NKAIN3: variants seen among roughly 807,000 people sequenced by gnomAD.
NKAIN3 encodes sodium/potassium transporting ATPase interacting 3, also known as sodium/potassium-transporting ATPase subunit beta-1-interacting protein 3.
In NKAIN3, 25 loss-of-function variants were observed where a neutral mutation model predicts 30.2. That is an observed-to-expected ratio of 0.83 (90% CI 0.60 to 1.16). The LOEUF is 1.16. Ranked by LOEUF, NKAIN3 falls within the 50% of genes most tolerant of loss-of-function variation. The pLI is 0.00. For missense variants in NKAIN3, 225 were observed against 254.1 expected (o/e 0.89, Z 0.78); for synonymous variants, 91 against 89.6 (o/e 1.02, Z -0.09).
chr8:62,564,579 G>A (rs1044654690), intron 1 of NKAIN3, among the ~76,000 whole-genome samples: 4 of 152,090 alleles, frequency 2.6e-5, no homozygotes, highest in East Asian at 1.9e-4. Context: ...TTCTACACTG[G>A]AGTTATACAA....
At chr8:62,253,093 T>G (rs1203399674) in intron 1 of NKAIN3, among the ~76,000 whole-genome samples, 1 of 152,214 alleles carries the variant, frequency 6.6e-6, no homozygotes, top group Non-Finnish European at 1.5e-5. Context: ...CGTCTCAGGA[T>G]GTTATTATTA....
chr8:62,785,156 A>G (rs1170252323), intron 4 of NKAIN3, among the ~76,000 whole-genome samples: 3 of 152,192 alleles, frequency 2.0e-5, no homozygotes, highest in Non-Finnish European at 4.4e-5. Flanking sequence ...AAAAATTTGT[A>G]CACAAATGTT....
rs899671418 is a variant in NKAIN3, at chr8:62,863,539, G to A, written c.472-54914G>A. 4.5e-6 allele frequency: 6 copies of A among 1,335,894 alleles called. No individual in the cohort carries two copies. The African/African-American group carries it at 8.6e-5, about 19-fold the overall frequency. The allele number at this position is 1,335,894 out of a possible 1,614,324, so 82.8% of individuals were successfully genotyped here. A position where few individuals can be genotyped will look rare whatever the true frequency, so the allele number is the denominator to read the frequency against. On this transcript the variant is annotated intron_variant, in intron 4 of 6. Coordinates refer to ENST00000623646, the MANE Select transcript of NKAIN3 (RefSeq NM_001304533.3). ...AGTTGAACTTGATGATCCAGTTGAG[G>A]AGATGGTGGCCAAGTACTCCCAAGA...
At chr8:62,276,531 A>C (rs1812969129) in intron 1 of NKAIN3, among the ~76,000 whole-genome samples, 1 of 152,184 alleles carries the variant, frequency 6.6e-6, no homozygotes, top group South Asian at 2.1e-4. Flanking sequence ...CAGTTACGAA[A>C]ATGAGAGATG....
At chr8:62,521,830 C>T (rs1362225096) in intron 1 of NKAIN3, among the ~76,000 whole-genome samples, 2 of 152,044 alleles carry the variant, frequency 1.3e-5, no homozygotes, top group Non-Finnish European at 2.9e-5. Flanking sequence ...ATCTTTTTTC[C>T]TGGATAAGAT....
At chr8:62,696,984 G>A (rs1004552999) in intron 3 of NKAIN3, among the ~76,000 whole-genome samples, 9 of 152,094 alleles carry the variant, frequency 5.9e-5, no homozygotes, top group Non-Finnish European at 1.3e-4. Flanking sequence ...ATATATAAAT[G>A]CAAAATGACA....
At chr8:62,600,462 G>T (rs1810955751) in intron 3 of NKAIN3, among the ~76,000 whole-genome samples, 2 of 151,984 alleles carry the variant, frequency 1.3e-5, no homozygotes, top group Admixed American at 6.6e-5. Context: ...CTCAGAGGTA[G>T]ACATTAGTAT....
intron 1 of NKAIN3, among the ~76,000 whole-genome samples, chr8:62,369,752 C>T (rs1459962690): frequency 1.3e-5 from 2 of 151,726 alleles, no homozygotes; most frequent in East Asian, 3.9e-4. Context: ...GAACTCCCCC[C>T]AAGTCTGTTG....
At chr8:62,950,147 G>C (rs114507263) in intron 5 of NKAIN3, among the ~76,000 whole-genome samples, 1 of 152,060 alleles carries the variant, frequency 6.6e-6, no homozygotes, top group Admixed American at 6.5e-5. Flanking sequence ...TTCCTAATGA[G>C]TTATTTTTAA....
rs573368130 is a variant in NKAIN3, at chr8:62,624,790, T to C, written c.273+34996T>C. Reference sequence around the variant, plus strand: ...ATGGTTCTTGAACATTCTGCTTTTTTTTTTTTTTCCATCTTTTCTCTCTTG... The same window carrying C: ...ATGGTTCTTGAACATTCTGCTTTTTCTTTTTTTTCCATCTTTTCTCTCTTG... On this transcript the variant is annotated intron_variant, in intron 3 of 6. Transcript: ENST00000623646. Among the ~76,000 whole-genome samples, 9 of 151,916 alleles carry C rather than the reference T, an allele frequency of 5.9e-5. No homozygotes were observed. The East Asian group carries it at 1.6e-3, about 26-fold the overall frequency.
chr8:62,641,420 G>GT (rs369069218), intron 3 of NKAIN3, among the ~76,000 whole-genome samples: 2 of 108,968 alleles, frequency 1.8e-5, no homozygotes, highest in African/African-American at 1.3e-4. Flanking sequence ...ACTCTTCCAT[G>GT]TAATTGCAGC....
At chr8:62,361,789 T>C (rs1042051825) in intron 1 of NKAIN3, among the ~76,000 whole-genome samples, 7 of 152,242 alleles carry the variant, frequency 4.6e-5, no homozygotes, top group Non-Finnish European at 7.3e-5. Context: ...ATATTTTCCT[T>C]ACAATTCCCA....
intron 1 of NKAIN3, among the ~76,000 whole-genome samples, chr8:62,394,204 C>A (rs546912537): frequency 2.1e-4 from 32 of 152,096 alleles, no homozygotes; most frequent in Non-Finnish European, 3.8e-4. Context: ...TTCATAGATA[C>A]GCTTTATCAG....
At chr8:62,310,382 T>C (rs1814390737) in intron 1 of NKAIN3, among the ~76,000 whole-genome samples, 1 of 150,612 alleles carries the variant, frequency 6.6e-6, no homozygotes, top group Admixed American at 6.6e-5. Context: ...GAAAGGTAAC[T>C]GTGTTTAAAG....
intron 4 of NKAIN3, among the ~76,000 whole-genome samples, chr8:62,882,184 TC>T (rs2130814618): frequency 6.6e-6 from 1 of 152,324 alleles, no homozygotes; most frequent in Non-Finnish European, 1.5e-5. Flanking sequence ...ATATGTTTTT[TC>T]CCAGAATGTG....
chr8:62,388,798 G>A lies in NKAIN3; in HGVS notation c.54+139671G>A, dbSNP rs71525487. Among the ~76,000 whole-genome samples the A allele has an allele frequency of 7.1e-3, 1,084 of 152,258 alleles. 8 individuals are homozygous for A. The highest frequency in any genetic ancestry group is 0.014 in the Middle Eastern group (4 of 294). ...CTCTGGGATTTCCATTCTGCCATGC[G>A]TGCTGTTGAGTGTAAGGTGCACCAT... On this transcript the variant is annotated intron_variant, in intron 1 of 6. Transcript: ENST00000623646.
At chr8:62,774,507 A>G (rs1437990407) in intron 4 of NKAIN3, among the ~76,000 whole-genome samples, 1 of 152,120 alleles carries the variant, frequency 6.6e-6, no homozygotes, top group South Asian at 2.1e-4. Context: ...AAAGCTTTCA[A>G]TTTTTGCCCA....
At chr8:62,634,735 C>A (rs1181607462) in intron 3 of NKAIN3, among the ~76,000 whole-genome samples, 1 of 152,070 alleles carries the variant, frequency 6.6e-6, no homozygotes, top group Non-Finnish European at 1.5e-5. Flanking sequence ...GGTGAAAATT[C>A]TCCAAAATTG....
At chr8:62,636,505 C>T (rs1417137775) in intron 3 of NKAIN3, among the ~76,000 whole-genome samples, 1 of 152,092 alleles carries the variant, frequency 6.6e-6, no homozygotes, top group Non-Finnish European at 1.5e-5. Context: ...ATGAAATTTA[C>T]AGTAGTAAAG....
Sources: allele counts gnomAD v4.1 joint callset (sites outside exome capture counted in the v4.1 genomes callset), GRCh38; gene constraint gnomAD v4.1.1; transcripts MANE v1.5; gene names NCBI Gene and HGNC (gene_info 2026-07-23, HGNC 2026-07-21).